POU3F3: variants seen among roughly 807,000 people sequenced by gnomAD.
The protein encoded by POU3F3 is POU domain, class 3, transcription factor 3.
A neutral mutation model predicts 8.6 loss-of-function variants in POU3F3; 1 was observed. That is an observed-to-expected ratio of 0.12 (90% CI 0.04 to 0.55). The LOEUF is 0.55. POU3F3 is among the 20% of genes least tolerant of loss of function. The pLI is 0.91. For missense variants in POU3F3, 577 were observed against 690.7 expected (o/e 0.84, Z 1.84); for synonymous variants, 418 against 327.4 (o/e 1.28, Z -2.99).
At chr2:104,879,093 C>T in the POU3F3 span, among the ~76,000 whole-genome samples, 1 of 151,984 alleles carries the variant, frequency 6.6e-6, no homozygotes, top group East Asian at 1.9e-4. Flanking sequence ...ACACACACAC[C>T]ACACAGAGCA....
chr2:104,881,121 A>ACTTTCTTTCTTTCTTTCTTT, the POU3F3 span, among the ~76,000 whole-genome samples: 2,935 of 142,128 alleles, frequency 0.021, 56 homozygotes, highest in African/African-American at 0.036. Flanking sequence ...TTTATTTCTT[A>ACTTTCTTTCTTTCTTTCTTT]CTTTCTTTCT....
At chr2:104,902,612 C>T in the POU3F3 span, among the ~76,000 whole-genome samples, 8 of 152,226 alleles carry the variant, frequency 5.3e-5, no homozygotes, top group East Asian at 1.5e-3. Flanking sequence ...AGGAGAGTAG[C>T]GGTCAGTCAA....
the POU3F3 span, among the ~76,000 whole-genome samples, chr2:104,886,733 C>A: frequency 1.3e-5 from 2 of 152,018 alleles, no homozygotes; most frequent in African/African-American, 4.8e-5. Flanking sequence ...CATGGTGAAA[C>A]CCCATTTCTA....
chr2:104,905,478 T>C, the POU3F3 span, among the ~76,000 whole-genome samples: 1 of 152,230 alleles, frequency 6.6e-6, no homozygotes, highest in South Asian at 2.1e-4. Flanking sequence ...TTAACAAAGT[T>C]CAGTGTCCTA....
At chr2:104,882,054 A>C in the POU3F3 span, among the ~76,000 whole-genome samples, 2 of 152,248 alleles carry the variant, frequency 1.3e-5, no homozygotes, top group Non-Finnish European at 2.9e-5. Context: ...TTATTGACTC[A>C]CTAAAAGATT....
the POU3F3 span, among the ~76,000 whole-genome samples, chr2:104,888,703 C>T: frequency 5.9e-5 from 9 of 152,158 alleles, no homozygotes; most frequent in Admixed American, 2.6e-4. Flanking sequence ...TCCTACCCCA[C>T]CCATCCACCC....
the POU3F3 span, among the ~76,000 whole-genome samples, chr2:104,884,927 A>G: frequency 2.0e-5 from 3 of 152,130 alleles, no homozygotes; most frequent in Non-Finnish European, 2.9e-5. Flanking sequence ...GAGCCACTTA[A>G]AGGTGTCTGA....
At chr2:104,896,378 T>C in the POU3F3 span, among the ~76,000 whole-genome samples, 1 of 152,172 alleles carries the variant, frequency 6.6e-6, no homozygotes, top group Non-Finnish European at 1.5e-5. Context: ...TGGGATCTAA[T>C]TCCAGATGGA....
At chr2:104,922,222 G>C in the POU3F3 span, among the ~76,000 whole-genome samples, 283 of 152,132 alleles carry the variant, frequency 1.9e-3, 1 homozygote, top group Middle Eastern at 6.8e-3. Context: ...TACATTATTA[G>C]ATTCCAATGT....
At chr2:104,917,099 G>A in the POU3F3 span, among the ~76,000 whole-genome samples, 1 of 152,118 alleles carries the variant, frequency 6.6e-6, no homozygotes, top group African/African-American at 2.4e-5. Context: ...AGGCCTTCAG[G>A]CTCAAACCAG....
chr2:104,923,605 C>T, the POU3F3 span, among the ~76,000 whole-genome samples: 1 of 151,850 alleles, frequency 6.6e-6, no homozygotes, highest in Non-Finnish European at 1.5e-5. Flanking sequence ...AATAGTAATG[C>T]AAGAAATGAA....
In POU3F3 at chr2:104,856,373, C is replaced by A; in HGVS notation, c.863C>A (p.Ala288Glu). 2 of 1,543,358 alleles carry A rather than the reference C, an allele frequency of 1.3e-6. No homozygotes were observed. Among genetic ancestry groups the A allele is most frequent in the Non-Finnish European group, 1.7e-6 (2 of 1,147,778 alleles). Residue 288 changes from alanine to glutamate, a missense_variant, in exon 1 of 1, where the codon GCG becomes GAG. Physicochemically the swap from Ala to Glu is moderately radical, Grantham distance 107. Coordinates refer to ENST00000361360, the MANE Select transcript of POU3F3 (RefSeq NM_006236.3). The stretch of plus-strand genomic sequence containing the variant: ...CCTCACCCGCCGCACCCGCACCACG[C>A]GCAGGGACCCCCGCACCACGGCGGC... Reference protein sequence around the residue: ...AHPHPPHPHHAQGPPHHGGGG... With the variant: ...AHPHPPHPHHEQGPPHHGGGG...
the POU3F3 span, among the ~76,000 whole-genome samples, chr2:104,906,661 C>T: frequency 2.0e-5 from 3 of 152,238 alleles, no homozygotes. Context: ...CTCCATTATG[C>T]GATTTTTTTA....
the POU3F3 span, among the ~76,000 whole-genome samples, chr2:104,907,654 G>C: frequency 6.6e-6 from 1 of 151,960 alleles, no homozygotes; most frequent in Non-Finnish European, 1.5e-5. Context: ...TTTGCTTTTG[G>C]CTAAGGCTTG....
the POU3F3 span, among the ~76,000 whole-genome samples, chr2:104,927,400 G>T: frequency 2.0e-5 from 3 of 152,030 alleles, no homozygotes; most frequent in Admixed American, 6.5e-5. Flanking sequence ...GGGTAGAAAG[G>T]GGGTAGAGAG....
At chr2:104,905,013 C>T in the POU3F3 span, among the ~76,000 whole-genome samples, 3 of 152,136 alleles carry the variant, frequency 2.0e-5, no homozygotes, top group Non-Finnish European at 1.5e-5. Flanking sequence ...TGGTATCAAC[C>T]CCATGGGTAT....
chr2:104,883,998 T>C, the POU3F3 span, among the ~76,000 whole-genome samples: 1 of 151,914 alleles, frequency 6.6e-6, no homozygotes, highest in Non-Finnish European at 1.5e-5. Flanking sequence ...CCTAGGTGAG[T>C]TCCCAGTGGT....
In POU3F3 at chr2:104,857,639, G is replaced by A. The variant is rs1676599101; in HGVS notation, c.*626G>A. On this transcript the variant is annotated 3_prime_UTR_variant, in exon 1 of 1. Transcript: ENST00000361360. ...TGGGAGCGACCTGAGAGAAAACAGA[G>A]GCACCAGGTTCCATCAGGGGACGAC... 1 of 153,640 alleles carries A rather than the reference G, an allele frequency of 6.5e-6. No individual in the cohort carries two copies. The highest frequency in any genetic ancestry group is 1.5e-5 in the Non-Finnish European group (1 of 68,028). The allele number at this position is 153,640 out of a possible 1,614,324, so 9.5% of individuals were successfully genotyped here.
chr2:104,882,315 C>T, the POU3F3 span, among the ~76,000 whole-genome samples: 2 of 144,604 alleles, frequency 1.4e-5, no homozygotes, highest in African/African-American at 5.2e-5. Flanking sequence ...GGTGTGATCT[C>T]GGCTCACTGC....
Sources: allele counts gnomAD v4.1 joint callset (sites outside exome capture counted in the v4.1 genomes callset), GRCh38; gene constraint gnomAD v4.1.1; transcripts MANE v1.5; gene names NCBI Gene and HGNC (gene_info 2026-07-23, HGNC 2026-07-21).